Variants in DOCK1 observed in about 807,000 individuals in gnomAD.
DOCK1 encodes dedicator of cytokinesis protein 1.
DOCK1 carries 138 observed loss-of-function variants against 262.7 expected under a neutral mutation model. The ratio of observed to expected loss-of-function variants is 0.53; its 90% CI spans 0.46 to 0.61. The LOEUF (loss-of-function observed/expected upper bound fraction) is 0.61, where lower values mean the gene tolerates loss of function less well. Among genes scored for constraint, DOCK1 ranks in the 20% least tolerant of loss-of-function variants. The probability of loss-of-function intolerance (pLI) is 0.00; values close to 1 mark genes in which losing one functional copy is unlikely to be tolerated. For synonymous variants in DOCK1, 866 were observed against 867.4 expected (o/e 1.00, Z 0.03); for missense variants, 1,908 against 2,370.7 (o/e 0.80, Z 4.05).
chr10:127,399,870 T>G (rs1166879829), intron 38 of DOCK1, among the ~76,000 whole-genome samples: 1 of 152,178 alleles, frequency 6.6e-6, no homozygotes, highest in Non-Finnish European at 1.5e-5. Flanking sequence ...AGGGAAGTTC[T>G]CCCTTCCTAG....
At chr10:127,074,845 A>G (rs1189365359) in intron 23 of DOCK1, among the ~76,000 whole-genome samples, 1 of 152,166 alleles carries the variant, frequency 6.6e-6, no homozygotes, top group Non-Finnish European at 1.5e-5. Flanking sequence ...AACATTTTAT[A>G]TGATCCCTAT....
chr10:127,063,451 A>G (rs2045665736), intron 23 of DOCK1, among the ~76,000 whole-genome samples: 1 of 151,638 alleles, frequency 6.6e-6, no homozygotes. Context: ...AGCCATTTGG[A>G]CTCTTCACTA....
In DOCK1 at chr10:127,017,109, A is replaced by G. The variant is rs553656224; in HGVS notation, c.1202-1601A>G. Among the ~76,000 whole-genome samples the G allele has an allele frequency of 3.4e-5, 5 of 148,548 alleles. No homozygotes were observed. The East Asian group carries it at 1.0e-3, about 30-fold the overall frequency. On this transcript the variant is annotated intron_variant, in intron 12 of 51. Coordinates refer to ENST00000623213, the MANE Select transcript of DOCK1 (RefSeq NM_001290223.2). ...ACACCACAAACACATACACACCAAC[A>G]CATGATACACCATAAAAACAGACAT... is the stretch of plus-strand genomic sequence containing the variant.
intron 27 of DOCK1, among the ~76,000 whole-genome samples, chr10:127,199,016 A>G (rs1352861640): frequency 6.6e-6 from 1 of 151,608 alleles, no homozygotes. Flanking sequence ...ATGTAGGCAT[A>G]TTTTTAGGGT....
At chr10:127,388,115 T>A (rs4271307) in intron 38 of DOCK1, among the ~76,000 whole-genome samples, 1 of 151,946 alleles carries the variant, frequency 6.6e-6, no homozygotes, top group Non-Finnish European at 1.5e-5. Context: ...GAGAAAGCCC[T>A]CCTTAGAAAA....
intron 27 of DOCK1, among the ~76,000 whole-genome samples, chr10:127,199,423 A>G (rs1027041191): frequency 6.6e-6 from 1 of 152,208 alleles, no homozygotes; most frequent in Non-Finnish European, 1.5e-5. Context: ...GTTTATCTAT[A>G]TCTGTTCCAA....
intron 26 of DOCK1, among the ~76,000 whole-genome samples, chr10:127,126,710 A>C (rs1316437525): frequency 6.6e-6 from 1 of 152,174 alleles, no homozygotes; most frequent in Non-Finnish European, 1.5e-5. Flanking sequence ...GGAAAGGTGA[A>C]AGCAGGGCTT....
At chr10:127,076,373 C>T (rs752246951) in intron 23 of DOCK1, among the ~76,000 whole-genome samples, 15 of 152,248 alleles carry the variant, frequency 9.9e-5, no homozygotes, top group South Asian at 4.1e-4. Context: ...TGGTGGCTGG[C>T]GCCTGTAGTC....
At chr10:127,021,978 G>A (rs755397022) in intron 13 of DOCK1, among the ~76,000 whole-genome samples, 2 of 152,156 alleles carry the variant, frequency 1.3e-5, no homozygotes, top group Non-Finnish European at 2.9e-5. Context: ...CAGGGCGTGG[G>A]AGGTGGCCAG....
At chr10:127,111,883 A>T (rs1403860112) in intron 25 of DOCK1, among the ~76,000 whole-genome samples, 1 of 152,146 alleles carries the variant, frequency 6.6e-6, no homozygotes, top group Non-Finnish European at 1.5e-5. Context: ...ATTTTTCTTA[A>T]GTGTTGATTT....
At position 126,990,581 on chromosome 10, in the gene DOCK1, G is replaced by A. The variant is rs772859229; in HGVS notation, c.451G>A (p.Ala151Thr). The A allele has an allele frequency of 1.2e-6, 2 of 1,613,332 alleles. No homozygotes were observed. The highest frequency in any genetic ancestry group is 4.5e-5 in the East Asian group (2 of 44,880). The change falls in exon 6 of 52, where the codon GCC becomes ACC. Residue 151 changes from alanine (A) to threonine (T), a missense_variant. Ala to Thr is a moderately conservative substitution (Grantham distance 58). Transcript: ENST00000623213. ...CAAAGAACTGAAGAAGAAGGTCACAGCCAAAATTGATTATGGAAACAGGTT... is the reference window on the plus strand; with the variant it reads ...CAAAGAACTGAAGAAGAAGGTCACAACCAAAATTGATTATGGAAACAGGTT... The part of the protein sequence containing the change: ...ELKELKKKVT[A>T]KIDYGNRILD...
At chr10:127,190,779 A>G (rs937273692) in intron 27 of DOCK1, among the ~76,000 whole-genome samples, 7 of 147,018 alleles carry the variant, frequency 4.8e-5, no homozygotes, top group Admixed American at 2.1e-4. Flanking sequence ...CTATCTTGCC[A>G]CATTACAAAG....
intron 33 of DOCK1, among the ~76,000 whole-genome samples, chr10:127,366,654 G>A (rs2064930756): frequency 6.9e-6 from 1 of 145,508 alleles, no homozygotes; most frequent in Admixed American, 6.9e-5. Context: ...AAAGCACAAG[G>A]GATGGCCCCT....
At chr10:127,383,610 C>T (rs1284430874) in intron 37 of DOCK1, among the ~76,000 whole-genome samples, 1 of 152,246 alleles carries the variant, frequency 6.6e-6, no homozygotes, top group African/African-American at 2.4e-5. Context: ...CCCTGATGTC[C>T]AGCGGGAGGT....
intron 29 of DOCK1, among the ~76,000 whole-genome samples, chr10:127,259,395 G>A (rs2059936508): frequency 1.3e-5 from 2 of 152,230 alleles, no homozygotes; most frequent in Admixed American, 1.3e-4. Context: ...CTAGAGCGTT[G>A]TGTCTTTAAT....
chr10:127,043,198 C>T, intron 21 of DOCK1, 34 bp downstream of exon 21: 1 of 1,483,208 alleles, frequency 6.7e-7, no homozygotes, highest in Non-Finnish European at 9.3e-7. Flanking sequence ...ACCAATACTT[C>T]TTTTTTTGGT....
At chr10:126,983,453 T>G (rs1298766953) in intron 4 of DOCK1, among the ~76,000 whole-genome samples, 1 of 152,192 alleles carries the variant, frequency 6.6e-6, no homozygotes, top group Non-Finnish European at 1.5e-5. Flanking sequence ...TCTCCAAGTT[T>G]ATTGTCCTGT....
rs529355218 is a variant in DOCK1 at position 127,282,396 on chromosome 10, C to T, written c.3044+24967C>T. Among the ~76,000 whole-genome samples, 7 of 152,294 alleles carry T rather than the reference C, an allele frequency of 4.6e-5. No homozygotes were observed. In the South Asian group the frequency reaches 6.2e-4, roughly 14 times the overall value. Reference sequence around the variant, plus strand: ...GCATAGACTTGTTGACTTGCATCTCCGAGGTCCTGTGATGTGGCCAGGTGG... The same window carrying T: ...GCATAGACTTGTTGACTTGCATCTCTGAGGTCCTGTGATGTGGCCAGGTGG... On this transcript the variant is annotated intron_variant, in intron 29 of 51. Coordinates refer to ENST00000623213, the MANE Select transcript of DOCK1 (RefSeq NM_001290223.2).
At chr10:127,135,424 A>G (rs1245017221) in intron 27 of DOCK1, 1 of 152,674 alleles carries the variant, frequency 6.5e-6, no homozygotes, top group Non-Finnish European at 1.5e-5. Flanking sequence ...TAATAGCCAC[A>G]TAAAACATCT....
Sources: allele counts gnomAD v4.1 joint callset (sites outside exome capture counted in the v4.1 genomes callset), GRCh38; gene constraint gnomAD v4.1.1; transcripts MANE v1.5; gene names NCBI Gene and HGNC (gene_info 2026-07-23, HGNC 2026-07-21).